The following MYO5B variants were observed in gnomAD, a reference collection of about 807,000 sequenced individuals.
MYO5B encodes unconventional myosin-Vb.
A neutral mutation model predicts 229.3 loss-of-function variants in MYO5B; 143 were observed. That is an observed-to-expected ratio of 0.62 (90% CI 0.54 to 0.72). The LOEUF is 0.72. Ranked by LOEUF, MYO5B falls within the 30% of genes least tolerant of loss-of-function variation. MYO5B has a pLI of 0.00. For missense variants in MYO5B, 2,321 were observed against 2,331.0 expected (o/e 1.00, Z 0.09); for synonymous variants, 918 against 885.2 (o/e 1.04, Z -0.66).
At chr18:50,006,133 A>ATTTGATGATCCTCTGACT (rs2026098562) in intron 4 of MYO5B, among the ~76,000 whole-genome samples, 1 of 152,188 alleles carries the variant, frequency 6.6e-6, no homozygotes, top group South Asian at 2.1e-4. Context: ...TACCTTTGAC[A>ATTTGATGATCCTCTGACT]TTTGATGATC....
At chr18:49,853,799 C>A in intron 30 of MYO5B, 152 bp from the exon 31 acceptor site, 2 of 739,588 alleles carry the variant, frequency 2.7e-6, no homozygotes, top group Non-Finnish European at 4.5e-6. Context: ...GAGACAGATG[C>A]CATGGGGACC....
chr18:50,162,636 G>A lies in MYO5B; in HGVS notation c.27+32131C>T, dbSNP rs1028702725. On this transcript the variant is annotated intron_variant, in intron 1 of 39. Transcript: ENST00000285039. Reference sequence around the variant, plus strand: ...GCAAACTGGGCGGCCCTGAGCCCTCGACCACATCACATTATCCACTAATGC... The same window carrying A: ...GCAAACTGGGCGGCCCTGAGCCCTCAACCACATCACATTATCCACTAATGC... Among the ~76,000 whole-genome samples the A allele has an allele frequency of 4.6e-5, 7 of 152,104 alleles. No homozygotes were observed. The South Asian group carries it at 1.0e-3, about 23-fold the overall frequency.
At chr18:49,920,867 G>A (rs537590998) in intron 17 of MYO5B, among the ~76,000 whole-genome samples, 2 of 152,202 alleles carry the variant, frequency 1.3e-5, no homozygotes, top group East Asian at 3.9e-4. Context: ...CATGACTGAC[G>A]TGCAGCCATG....
intron 4 of MYO5B, among the ~76,000 whole-genome samples, chr18:50,024,587 C>CCG (rs2026310842): frequency 2.6e-5 from 4 of 152,204 alleles, no homozygotes; most frequent in African/African-American, 9.6e-5. Flanking sequence ...TTTCCGTCAT[C>CCG]TTTTGGCTGT....
chr18:50,006,658 G>T (rs1027986305), intron 4 of MYO5B, among the ~76,000 whole-genome samples: 4 of 152,084 alleles, frequency 2.6e-5, no homozygotes, highest in African/African-American at 9.7e-5. Context: ...ACTCCTCCTA[G>T]AAGTTTCCCA....
intron 31 of MYO5B, chr18:49,850,859 G>A (rs1046986776): frequency 2.6e-5 from 4 of 152,616 alleles, no homozygotes; most frequent in African/African-American, 7.2e-5. Flanking sequence ...CTGAATCCTC[G>A]GCTACAACTC....
chr18:49,848,303 AT>A (rs1272154760), intron 32 of MYO5B, among the ~76,000 whole-genome samples: 1 of 150,852 alleles, frequency 6.6e-6, no homozygotes, highest in Admixed American at 6.6e-5. Context: ...GTGGGTGCTG[AT>A]GATGTGGGTG....
intron 10 of MYO5B, among the ~76,000 whole-genome samples, chr18:49,974,071 A>G (rs549737492): frequency 6.6e-6 from 1 of 152,320 alleles, no homozygotes; most frequent in African/African-American, 2.4e-5. Flanking sequence ...CTCAGGTGTA[A>G]AAACTGACGC....
intron 27 of MYO5B, among the ~76,000 whole-genome samples, chr18:49,868,483 T>G (rs1285707550): frequency 6.6e-6 from 1 of 152,344 alleles, no homozygotes; most frequent in East Asian, 1.9e-4. Flanking sequence ...AGTCAGTGGG[T>G]ACCATCTCCT....
chr18:49,856,336 A>G (rs670965), intron 30 of MYO5B, among the ~76,000 whole-genome samples: 100,815 of 152,058 alleles, frequency 0.66, 33,693 homozygotes, highest in Admixed American at 0.77. Context: ...ACCAGCACAC[A>G]TACTGATGGC....
At chr18:50,173,725 A>G (rs2032953053) in intron 1 of MYO5B, among the ~76,000 whole-genome samples, 1 of 152,156 alleles carries the variant, frequency 6.6e-6, no homozygotes, top group South Asian at 2.1e-4. Context: ...CATGCCTCTT[A>G]CTGGGATGGT....
chr18:50,148,101 C>T (rs2032534822), intron 1 of MYO5B, among the ~76,000 whole-genome samples: 1 of 150,338 alleles, frequency 6.7e-6, no homozygotes, highest in Non-Finnish European at 1.5e-5. Flanking sequence ...GGATACATTC[C>T]TCGACACATA....
At position 49,877,808 on chromosome 18, in the gene MYO5B, G is replaced by A. The variant is rs780637264; in HGVS notation, c.3351C>T (p.Ser1117=). 25 of 1,614,052 alleles carry A rather than the reference G, an allele frequency of 1.5e-5. No individual in the cohort carries two copies. Among genetic ancestry groups the A allele is most frequent in the Middle Eastern group, 3.3e-4 (2 of 6,082 alleles). ...CCTCAGTGTCTCCGATCTCAGATGTGGAGATGGAGGGGTAATTGGAGTCAG... is the reference window on the plus strand; with the variant it reads ...CCTCAGTGTCTCCGATCTCAGATGTAGAGATGGAGGGGTAATTGGAGTCAG... ...LESDSNYPSI[S]TSEIGDTEDA... is the part of the protein sequence containing the mutation. Residue 1117 remains serine (S), a synonymous_variant, in exon 25 of 40, where the codon TCC becomes TCT. Transcript: ENST00000285039.
chr18:49,971,200 G>A (rs968484904), intron 10 of MYO5B, among the ~76,000 whole-genome samples: 2 of 152,190 alleles, frequency 1.3e-5, no homozygotes, highest in African/African-American at 4.8e-5. Context: ...CCATAGTCAT[G>A]AATAGAATAA....
chr18:50,165,431 G>C (rs149769343), intron 1 of MYO5B, among the ~76,000 whole-genome samples: 2,326 of 151,890 alleles, frequency 0.015, 58 homozygotes, highest in African/African-American at 0.053. Context: ...AGTGAGCCAT[G>C]ATTGTGCCAC....
intron 4 of MYO5B, among the ~76,000 whole-genome samples, chr18:50,023,575 T>C (rs2026300004): frequency 6.6e-6 from 1 of 152,174 alleles, no homozygotes; most frequent in Non-Finnish European, 1.5e-5. Flanking sequence ...TTTTGTGAGA[T>C]ACTTAGAAAA....
At chr18:50,145,497 C>CAAAAAAAAAAAAAAA (rs369507800) in intron 1 of MYO5B, among the ~76,000 whole-genome samples, 13 of 70,010 alleles carry the variant, frequency 1.9e-4, no homozygotes, top group African/African-American at 6.4e-4. Context: ...GACTCCATCT[C>CAAAAAAAAAAAAAAA]AAAAAAAAAA....
chr18:50,103,178 C>T (rs1446790522), intron 1 of MYO5B, among the ~76,000 whole-genome samples: 1 of 152,250 alleles, frequency 6.6e-6, no homozygotes, highest in Non-Finnish European at 1.5e-5. Flanking sequence ...GGCATTTTGG[C>T]AAAGCCATGA....
intron 4 of MYO5B, among the ~76,000 whole-genome samples, chr18:50,019,580 T>G (rs752488598): frequency 2.0e-5 from 3 of 152,244 alleles, no homozygotes; most frequent in Non-Finnish European, 2.9e-5. Context: ...GTGATGTCCA[T>G]CTTGGCCAAG....
Sources: gnomAD v4.1 joint callset for allele counts (sites outside exome capture counted in the v4.1 genomes callset) on GRCh38, gnomAD v4.1.1 for gene constraint, MANE v1.5 for transcripts, NCBI Gene and HGNC (gene_info 2026-07-23, HGNC 2026-07-21) for gene names.